ZNF407: variants seen among roughly 807,000 people sequenced by gnomAD.
ZNF407 encodes zinc finger protein 407.
Under a neutral mutation model 131.2 loss-of-function variants are expected in ZNF407, and 17 were observed. That is an observed-to-expected ratio of 0.13 (90% CI 0.09 to 0.19). The LOEUF is 0.19. Among genes scored for constraint, ZNF407 ranks in the 10% least tolerant of loss-of-function variants. The pLI is 1.00. For missense variants in ZNF407, 2,681 were observed against 2,830.6 expected, an observed-to-expected ratio of 0.95 and a Z score of 1.20; for synonymous variants, 1,156 against 1,062.0, an observed-to-expected ratio of 1.09 and a Z score of -1.72.
At chr18:75,034,959 G>A (rs538692817) in intron 8 of ZNF407, among the ~76,000 whole-genome samples, 2 of 152,286 alleles carry the variant, frequency 1.3e-5, no homozygotes, top group East Asian at 1.9e-4. Context: ...CACAAGTTAA[G>A]TGTAGTTGCA....
intron 3 of ZNF407, among the ~76,000 whole-genome samples, chr18:74,740,923 T>C (rs899016516): frequency 5.9e-5 from 9 of 152,170 alleles, no homozygotes; most frequent in Admixed American, 2.6e-4. Context: ...TGATTATTGC[T>C]AGAACTCCCA....
intron 1 of ZNF407, among the ~76,000 whole-genome samples, chr18:74,617,055 CCACACA>C (rs1983334684): frequency 7.5e-6 from 1 of 133,476 alleles, no homozygotes; most frequent in African/African-American, 3.0e-5. Flanking sequence ...ACATCCATAT[CCACACA>C]CATCCATATC....
rs191254715 is a variant in ZNF407 at position 74,857,725 on chromosome 18, T to A, written c.4878-19472T>A. Among the ~76,000 whole-genome samples, 794 of 152,342 alleles carry A rather than the reference T, an allele frequency of 5.2e-3. 8 individuals are homozygous for A. The highest frequency in any genetic ancestry group is 0.018 in the African/African-American group (750 of 41,574). On this transcript the variant is annotated intron_variant, in intron 4 of 8. Transcript: ENST00000299687. ...ATGAGTTCATAAAGTAGCTTTTTTTTAAATTAATGAAGTACTGAGTACTTG... is the reference window on the plus strand; with the variant it reads ...ATGAGTTCATAAAGTAGCTTTTTTTAAAATTAATGAAGTACTGAGTACTTG...
intron 8 of ZNF407, among the ~76,000 whole-genome samples, chr18:75,012,609 GC>G (rs1470567012): frequency 6.6e-6 from 1 of 151,852 alleles, no homozygotes; most frequent in Non-Finnish European, 1.5e-5. Flanking sequence ...AAGGTTGGAA[GC>G]AGTTCTGCCC....
chr18:74,816,825 T>C (rs1360620387), intron 4 of ZNF407, among the ~76,000 whole-genome samples: 1 of 152,202 alleles, frequency 6.6e-6, no homozygotes, highest in Non-Finnish European at 1.5e-5. Context: ...CTTATTAAAT[T>C]GGTGGTATAA....
At position 74,884,936 on chromosome 18, in the gene ZNF407, A is replaced by G. The variant is rs370802026; in HGVS notation, c.5128+3817A>G. Among the ~76,000 whole-genome samples, 7 of 152,180 alleles carry G rather than the reference A, an allele frequency of 4.6e-5. No homozygotes were observed. The East Asian group carries it at 1.3e-3, about 29-fold the overall frequency. ...TATCAGCAGAATCTATGAAAAATGA[A>G]TAGTTTGAAGACACCTACCAACACT... On this transcript the variant is annotated intron_variant, in intron 6 of 8. Coordinates refer to ENST00000299687, the MANE Select transcript of ZNF407 (RefSeq NM_017757.3).
At chr18:74,750,171 ACTT>A (rs1477303304) in intron 3 of ZNF407, among the ~76,000 whole-genome samples, 3 of 152,092 alleles carry the variant, frequency 2.0e-5, no homozygotes, top group Non-Finnish European at 2.9e-5. Flanking sequence ...TGTACATTTT[ACTT>A]CTTCTTTGAG....
intron 6 of ZNF407, among the ~76,000 whole-genome samples, chr18:74,889,039 G>A (rs1049780872): frequency 6.6e-6 from 1 of 152,136 alleles, no homozygotes; most frequent in Non-Finnish European, 1.5e-5. Flanking sequence ...GTGTTTAGAT[G>A]TGTTTAGTTA....
chr18:74,632,038 G>A lies in ZNF407; in HGVS notation c.1019G>A (p.Ser340Asn), dbSNP rs1984123576. Residue 340 changes from serine to asparagine, a missense_variant, in exon 2 of 9, where the codon AGT becomes AAT. Transcript: ENST00000299687. The stretch of plus-strand genomic sequence containing the variant: ...GGAAGTATTTCTAAACAAAGTGGTA[G>A]TAGCAGTGAGCTTCTTGTTGAAATG... The part of the protein sequence containing the change: ...FRGSISKQSG[S>N]SSELLVEMMP... 13 of 1,613,830 alleles carry A rather than the reference G, an allele frequency of 8.1e-6. No homozygotes were observed. Among genetic ancestry groups the A allele is most frequent in the Non-Finnish European group, 1.1e-5 (13 of 1,179,856 alleles).
chr18:74,813,450 C>G (rs553577915), intron 4 of ZNF407, among the ~76,000 whole-genome samples: 38 of 139,154 alleles, frequency 2.7e-4, no homozygotes, highest in Non-Finnish European at 4.8e-4. Context: ...CAGAACACTT[C>G]GCTCTGCGTC....
chr18:74,827,354 T>C (rs533732201), intron 4 of ZNF407, among the ~76,000 whole-genome samples: 2 of 152,378 alleles, frequency 1.3e-5, no homozygotes, highest in South Asian at 4.1e-4. Context: ...ATATAGACTT[T>C]ATGTTTTGAT....
chr18:74,736,811 G>A (rs999637575), intron 3 of ZNF407, among the ~76,000 whole-genome samples: 7 of 152,056 alleles, frequency 4.6e-5, no homozygotes, highest in Admixed American at 2.6e-4. Flanking sequence ...TTAAATAAAC[G>A]TTCTCATTTA....
At chr18:74,826,951 C>A (rs1171735403) in intron 4 of ZNF407, among the ~76,000 whole-genome samples, 2 of 152,198 alleles carry the variant, frequency 1.3e-5, no homozygotes, top group African/African-American at 2.4e-5. Flanking sequence ...GAACATCATA[C>A]AAGGAATTTC....
At chr18:74,824,061 C>CTT (rs1335675379) in intron 4 of ZNF407, among the ~76,000 whole-genome samples, 1 of 152,216 alleles carries the variant, frequency 6.6e-6, no homozygotes, top group Non-Finnish European at 1.5e-5. Flanking sequence ...GAGAAACTCA[C>CTT]TTAAAACCAC....
chr18:74,989,867 C>T (rs1432120785), intron 8 of ZNF407, among the ~76,000 whole-genome samples: 11 of 151,726 alleles, frequency 7.2e-5, no homozygotes, highest in Admixed American at 7.2e-4. Flanking sequence ...AATTCTATTT[C>T]CTAATCATAA....
intron 3 of ZNF407, among the ~76,000 whole-genome samples, chr18:74,652,055 G>T (rs1294099041): frequency 6.6e-6 from 1 of 152,048 alleles, no homozygotes; most frequent in East Asian, 1.9e-4. Context: ...TGGAAAGTTT[G>T]CTCAAGAATT....
intron 3 of ZNF407, among the ~76,000 whole-genome samples, chr18:74,718,375 A>AG (rs1967948074): frequency 6.6e-6 from 1 of 151,960 alleles, no homozygotes. Flanking sequence ...GGAAAAAAAA[A>AG]TAGCTAGTTG....
intron 3 of ZNF407, among the ~76,000 whole-genome samples, chr18:74,736,483 T>C (rs1968415502): frequency 6.6e-6 from 1 of 152,198 alleles, no homozygotes; most frequent in African/African-American, 2.4e-5. Flanking sequence ...CTAGTGGGCT[T>C]CATTGAGTCC....
At chr18:74,953,331 A>C (rs1599261102) in intron 8 of ZNF407, among the ~76,000 whole-genome samples, 1 of 152,178 alleles carries the variant, frequency 6.6e-6, no homozygotes, top group African/African-American at 2.4e-5. Flanking sequence ...GATAAAGACC[A>C]TCAGTGCTGC....
Sources: allele counts gnomAD v4.1 joint callset (sites outside exome capture counted in the v4.1 genomes callset), GRCh38; gene constraint gnomAD v4.1.1; transcripts MANE v1.5; gene names NCBI Gene and HGNC (gene_info 2026-07-23, HGNC 2026-07-21).